XIRP2: variants seen among roughly 807,000 people sequenced by gnomAD.
XIRP2 encodes xin actin binding repeat containing 2.
A neutral mutation model predicts 277.0 loss-of-function variants in XIRP2; 236 were observed. The observed-to-expected ratio is 0.85, with a 90% CI of 0.77 to 0.95. The LOEUF is 0.95. XIRP2 is among the 40% of genes least tolerant of loss of function. XIRP2 has a pLI of 0.00. For synonymous variants in XIRP2, 1,490 were observed against 1,416.5 expected (o/e 1.05, Z -1.17); for missense variants, 4,640 against 4,157.5 (o/e 1.12, Z -3.19).
chr2:167,204,502 C>A (rs1326234463), intron 3 of XIRP2, among the ~76,000 whole-genome samples: 1 of 152,278 alleles, frequency 6.6e-6, no homozygotes, highest in East Asian at 1.9e-4. Context: ...CTGAAACTCA[C>A]CCACTGTCTG....
chr2:167,157,327 T>C (rs892585580), intron 3 of XIRP2, among the ~76,000 whole-genome samples: 5 of 152,190 alleles, frequency 3.3e-5, no homozygotes, highest in Non-Finnish European at 5.9e-5. Context: ...TTATTCCATA[T>C]TTCATAAAAC....
rs758134168 is a variant in XIRP2 at position 167,248,640 on chromosome 2, C to T, written c.7248C>T (p.Thr2416=). 41 of 1,613,518 alleles carry T rather than the reference C, an allele frequency of 2.5e-5. 1 individual carries two copies. In the South Asian group the frequency reaches 3.0e-4, roughly 12 times the overall value. ...NSQAKIITGK[T]GVLPPPTLPK... is the part of the protein sequence containing the mutation. ...AGGCTAAAATCATAACAGGAAAAAC[C>T]GGTGTGTTGCCACCTCCCACATTGC... The change falls in exon 9 of 11, where the codon ACC becomes ACT. Residue 2416 remains threonine (T), a synonymous_variant. Coordinates refer to ENST00000409195, the MANE Select transcript of XIRP2 (RefSeq NM_152381.6).
intron 2 of XIRP2, among the ~76,000 whole-genome samples, chr2:167,042,714 T>G (rs1688689754): frequency 6.6e-6 from 1 of 152,086 alleles, no homozygotes; most frequent in Non-Finnish European, 1.5e-5. Flanking sequence ...TAAAACAAGT[T>G]TGTAAAGACC....
intron 3 of XIRP2, among the ~76,000 whole-genome samples, chr2:167,171,849 T>C (rs1434978050): frequency 6.6e-6 from 1 of 152,246 alleles, no homozygotes; most frequent in Non-Finnish European, 1.5e-5. Flanking sequence ...GTCTACTTTT[T>C]CTGACATCAA....
intron 2 of XIRP2, among the ~76,000 whole-genome samples, chr2:166,948,240 T>G (rs1194820005): frequency 6.6e-6 from 1 of 152,100 alleles, no homozygotes; most frequent in African/African-American, 2.4e-5. Context: ...TATGTTAATG[T>G]GGGTTCATCT....
At chr2:167,132,673 C>G (rs1691417491) in intron 2 of XIRP2, among the ~76,000 whole-genome samples, 1 of 152,324 alleles carries the variant, frequency 6.6e-6, no homozygotes, top group Non-Finnish European at 1.5e-5. Context: ...CTTTCAGCCT[C>G]CCTGCTCCCA....
At chr2:167,086,712 C>A (rs962716119) in intron 2 of XIRP2, among the ~76,000 whole-genome samples, 47 of 151,848 alleles carry the variant, frequency 3.1e-4, no homozygotes, top group Middle Eastern at 6.8e-3. Flanking sequence ...ATTGCTGATA[C>A]CCTTTCTCCC....
At chr2:167,135,188 T>C (rs970725013) in intron 2 of XIRP2, among the ~76,000 whole-genome samples, 1 of 152,180 alleles carries the variant, frequency 6.6e-6, no homozygotes, top group Non-Finnish European at 1.5e-5. Context: ...GCAATGTTTT[T>C]ATTCAAAATA....
chr2:166,905,982 G>C (rs1684507516), intron 2 of XIRP2, among the ~76,000 whole-genome samples: 1 of 151,544 alleles, frequency 6.6e-6, no homozygotes, highest in Non-Finnish European at 1.5e-5. Flanking sequence ...ATATTATTTA[G>C]TGCTTCATTA....
At chr2:167,165,393 G>C (rs773421129) in intron 3 of XIRP2, among the ~76,000 whole-genome samples, 3 of 152,204 alleles carry the variant, frequency 2.0e-5, no homozygotes, top group Non-Finnish European at 2.9e-5. Flanking sequence ...TATGATAAAA[G>C]TGTGTTTAGT....
chr2:166,912,057 G>C (rs560937701), intron 2 of XIRP2, among the ~76,000 whole-genome samples: 1 of 151,820 alleles, frequency 6.6e-6, no homozygotes. Context: ...CCTTCATTTC[G>C]ACTTTGGTGA....
At chr2:167,026,681 C>G (rs185025919) in intron 2 of XIRP2, among the ~76,000 whole-genome samples, 1 of 152,232 alleles carries the variant, frequency 6.6e-6, no homozygotes, top group Non-Finnish European at 1.5e-5. Context: ...ATTTGCTTGT[C>G]TGTAAAGTAT....
intron 2 of XIRP2, among the ~76,000 whole-genome samples, chr2:167,036,960 C>T (rs1392309550): frequency 6.6e-6 from 1 of 152,136 alleles, no homozygotes; most frequent in Non-Finnish European, 1.5e-5. Flanking sequence ...TAAGAAGTGC[C>T]TTTCACCCTC....
intron 2 of XIRP2, among the ~76,000 whole-genome samples, chr2:166,913,957 C>T (rs1243345097): frequency 6.6e-6 from 1 of 152,098 alleles, no homozygotes; most frequent in Non-Finnish European, 1.5e-5. Context: ...GGCAGAATAA[C>T]AAAAGTCTCC....
intron 3 of XIRP2, among the ~76,000 whole-genome samples, chr2:167,180,437 T>C (rs1183376293): frequency 6.6e-6 from 1 of 152,204 alleles, no homozygotes; most frequent in East Asian, 1.9e-4. Context: ...CCCCATTACA[T>C]TGATTGAATT....
chr2:166,959,874 G>A (rs1686257597), intron 2 of XIRP2, among the ~76,000 whole-genome samples: 1 of 151,676 alleles, frequency 6.6e-6, no homozygotes, highest in African/African-American at 2.4e-5. Flanking sequence ...CTGACCTAGT[G>A]GAACTGATCA....
intron 2 of XIRP2, among the ~76,000 whole-genome samples, chr2:167,025,445 T>C (rs1485627014): frequency 6.6e-6 from 1 of 152,162 alleles, no homozygotes; most frequent in African/African-American, 2.4e-5. Flanking sequence ...TTTTTGTGTC[T>C]CCATTTCCTT....
chr2:167,184,929 G>A (rs868689393), intron 3 of XIRP2, among the ~76,000 whole-genome samples: 17 of 152,080 alleles, frequency 1.1e-4, no homozygotes, highest in South Asian at 2.1e-4. Context: ...TGTGATACAA[G>A]GGATCACCTT....
chr2:167,148,296 C>T (rs965844998), intron 3 of XIRP2, among the ~76,000 whole-genome samples: 3 of 151,142 alleles, frequency 2.0e-5, no homozygotes, highest in Non-Finnish European at 4.4e-5. Flanking sequence ...GCAGGAGAAT[C>T]GCTTGAACTC....
Sources: gnomAD v4.1 joint callset for allele counts (sites outside exome capture counted in the v4.1 genomes callset) on GRCh38, gnomAD v4.1.1 for gene constraint, MANE v1.5 for transcripts, NCBI Gene and HGNC (gene_info 2026-07-23, HGNC 2026-07-21) for gene names.